C3orf70: variants seen among roughly 807,000 people sequenced by gnomAD.
C3orf70 encodes chromosome 3 open reading frame 70.
A neutral mutation model predicts 20.7 loss-of-function variants in C3orf70; 15 were observed. That is an observed-to-expected ratio of 0.72 (90% confidence interval 0.48 to 1.11). The LOEUF (loss-of-function observed/expected upper bound fraction) is 1.11. Ranked by LOEUF, C3orf70 falls within the 50% of genes most tolerant of loss-of-function variation. The probability of loss-of-function intolerance (pLI) is 0.00; values close to 1 mark genes in which losing one functional copy is unlikely to be tolerated. For synonymous variants in C3orf70, 161 were observed against 125.7 expected (o/e 1.28, Z -1.88); for missense variants, 332 against 317.6 (o/e 1.05, Z -0.34).
In C3orf70 at chr3:185,077,790, G is replaced by T. The variant is rs918887039; in HGVS notation, c.*5217C>A. 1.2e-4 allele frequency among the ~76,000 whole-genome samples: 5 copies of T among 40,070 alleles called. No individual in the cohort carries two copies. Among genetic ancestry groups the T allele is most frequent in the South Asian group, 1.2e-3 (1 of 824 alleles). 26.3% of individuals were successfully genotyped at this position (40,070 alleles called of 152,430 possible). ...GAAATAAATGCTATTTGGTGGTGGT[G>T]GGGGGGGGGTATCAAGTTTTATTTG... On this transcript the variant is annotated 3_prime_UTR_variant, in exon 2 of 2. Coordinates refer to ENST00000335012, the MANE Select transcript of C3orf70 (RefSeq NM_001025266.3).
intron 1 of C3orf70, among the ~76,000 whole-genome samples, chr3:185,146,341 G>A (rs1561370843): frequency 7.8e-6 from 1 of 127,588 alleles, no homozygotes; most frequent in South Asian, 2.6e-4. Context: ...AGGCTGGAGT[G>A]CAATGGCGCG....
intron 1 of C3orf70, among the ~76,000 whole-genome samples, chr3:185,136,536 C>T (rs1407292365): frequency 6.7e-6 from 1 of 148,282 alleles, no homozygotes; most frequent in Non-Finnish European, 1.5e-5. Flanking sequence ...TCCTGGCTAA[C>T]ACAGTGAAAC....
chr3:185,101,625 C>T (rs532129280), intron 1 of C3orf70, among the ~76,000 whole-genome samples: 1 of 152,300 alleles, frequency 6.6e-6, no homozygotes, highest in Non-Finnish European at 1.5e-5. Flanking sequence ...TACATTTTCA[C>T]ATGGCTGGCA....
At chr3:185,116,300 C>T (rs572139726) in intron 1 of C3orf70, among the ~76,000 whole-genome samples, 3 of 152,174 alleles carry the variant, frequency 2.0e-5, no homozygotes, top group South Asian at 2.1e-4. Flanking sequence ...ACATGGAATA[C>T]GAAGATGATG....
At chr3:185,119,699 C>T (rs1716253749) in intron 1 of C3orf70, among the ~76,000 whole-genome samples, 1 of 151,396 alleles carries the variant, frequency 6.6e-6, no homozygotes, top group Non-Finnish European at 1.5e-5. Context: ...CCTCATTTTA[C>T]CTGCATCTTA....
chr3:185,133,706 T>C (rs562794137), intron 1 of C3orf70, among the ~76,000 whole-genome samples: 1 of 152,304 alleles, frequency 6.6e-6, no homozygotes, highest in Admixed American at 6.5e-5. Context: ...ATCACACTAC[T>C]GCACTGCAGC....
intron 1 of C3orf70, among the ~76,000 whole-genome samples, chr3:185,137,689 T>C (rs1318960569): frequency 2.6e-5 from 4 of 152,282 alleles, no homozygotes; most frequent in East Asian, 3.8e-4. Flanking sequence ...AAAAGTTACA[T>C]GGAACTGAAA....
At chr3:185,125,749 G>A (rs1357133132) in intron 1 of C3orf70, among the ~76,000 whole-genome samples, 4 of 152,098 alleles carry the variant, frequency 2.6e-5, no homozygotes, top group Non-Finnish European at 5.9e-5. Flanking sequence ...CATGCTACAC[G>A]ATTCCATTTA....
chr3:185,150,965 G>A (rs905676864), intron 1 of C3orf70, among the ~76,000 whole-genome samples: 4 of 152,208 alleles, frequency 2.6e-5, no homozygotes, highest in African/African-American at 9.7e-5. Flanking sequence ...GACATTGTGA[G>A]AATGGCCAGG....
chr3:185,090,300 GAAAAT>G (rs946091530), intron 1 of C3orf70, among the ~76,000 whole-genome samples: 24 of 152,214 alleles, frequency 1.6e-4, no homozygotes, highest in African/African-American at 5.3e-4. Flanking sequence ...AACAAATATA[GAAAAT>G]AAAATAAATG....
intron 1 of C3orf70, among the ~76,000 whole-genome samples, chr3:185,095,534 A>C (rs1478029349): frequency 6.6e-6 from 1 of 152,208 alleles, no homozygotes; most frequent in Non-Finnish European, 1.5e-5. Flanking sequence ...AATTACAAGA[A>C]AAGGGTGCTA....
chr3:185,117,448 CACAG>C (rs1351282126), intron 1 of C3orf70, among the ~76,000 whole-genome samples: 4 of 81,318 alleles, frequency 4.9e-5, no homozygotes, highest in Non-Finnish European at 6.7e-5. Flanking sequence ...CACACACACA[CACAG>C]AAAGAGAGAG....
At chr3:185,091,023 C>G (rs1042251808) in intron 1 of C3orf70, among the ~76,000 whole-genome samples, 2 of 152,080 alleles carry the variant, frequency 1.3e-5, no homozygotes, top group African/African-American at 4.8e-5. Context: ...CTAGCAAATC[C>G]TTATTGCATA....
intron 1 of C3orf70, among the ~76,000 whole-genome samples, chr3:185,099,498 T>C (rs1715778847): frequency 6.6e-6 from 1 of 152,112 alleles, no homozygotes; most frequent in Non-Finnish European, 1.5e-5. Flanking sequence ...AGAAATAAGA[T>C]CCTTTTCAGA....
chr3:185,133,221 T>C (rs1716557288), intron 1 of C3orf70, among the ~76,000 whole-genome samples: 1 of 152,150 alleles, frequency 6.6e-6, no homozygotes, highest in Non-Finnish European at 1.5e-5. Context: ...ATGTTGCTGG[T>C]GGGAGGGCAA....
At chr3:185,112,067 G>C (rs1716083764) in intron 1 of C3orf70, among the ~76,000 whole-genome samples, 1 of 152,076 alleles carries the variant, frequency 6.6e-6, no homozygotes, top group South Asian at 2.1e-4. Context: ...GAGGCAGGTG[G>C]ATCACCGGAG....
chr3:185,121,838 G>A (rs112866539), intron 1 of C3orf70, among the ~76,000 whole-genome samples: 5 of 152,244 alleles, frequency 3.3e-5, no homozygotes, highest in African/African-American at 9.6e-5. Flanking sequence ...GGTGGCTCAC[G>A]CCTGTAATCC....
At chr3:185,110,383 A>T (rs965383874) in intron 1 of C3orf70, among the ~76,000 whole-genome samples, 2 of 152,326 alleles carry the variant, frequency 1.3e-5, no homozygotes, top group South Asian at 4.1e-4. Flanking sequence ...AACACTTGGA[A>T]GCTCTGTGAT....
intron 1 of C3orf70, among the ~76,000 whole-genome samples, chr3:185,118,660 A>G (rs976723292): frequency 2.6e-5 from 4 of 152,240 alleles, no homozygotes; most frequent in African/African-American, 9.6e-5. Flanking sequence ...CAGAAAAGAC[A>G]ATAACCTAAA....
Sources: allele counts gnomAD v4.1 joint callset (sites outside exome capture counted in the v4.1 genomes callset), GRCh38; gene constraint gnomAD v4.1.1; transcripts MANE v1.5; gene names NCBI Gene and HGNC (gene_info 2026-07-23, HGNC 2026-07-21).